The following AFDN variants were observed in gnomAD, a reference collection of about 807,000 sequenced individuals.
The protein encoded by AFDN is afadin.
In AFDN, 68 loss-of-function variants were observed where a neutral mutation model predicts 216.6. The observed-to-expected ratio is 0.31, with a 90% CI of 0.26 to 0.38. AFDN has a LOEUF of 0.38. Ranked by LOEUF, AFDN falls within the 10% of genes least tolerant of loss-of-function variation. The pLI is 1.00. For synonymous variants in AFDN, 868 were observed against 853.7 expected (o/e 1.02, Z -0.29); for missense variants, 2,136 against 2,342.0 (o/e 0.91, Z 1.82).
chr6:167,834,493 A>G (rs542308037), intron 1 of AFDN, among the ~76,000 whole-genome samples: 1 of 144,648 alleles, frequency 6.9e-6, no homozygotes, highest in South Asian at 2.3e-4. Context: ...AAGGTATAAA[A>G]CGTGATAGAT....
chr6:167,903,232 C>T (rs538268028), intron 12 of AFDN, among the ~76,000 whole-genome samples: 33 of 152,348 alleles, frequency 2.2e-4, no homozygotes, highest in African/African-American at 7.2e-4. Context: ...TACCATTGTG[C>T]AATCTGGTTT....
chr6:167,911,379 C>T lies in AFDN; in HGVS notation c.1927C>T (p.Arg643Trp). Reference sequence around the variant, plus strand: ...TACATATGTATTATATATGGCATGCCGGTATGTATTGTCCAACCAGTACAG... The same window carrying T: ...TACATATGTATTATATATGGCATGCTGGTATGTATTGTCCAACCAGTACAG... ...SPTYVLYMAC[R>W]YVLSNQYRPD... is the part of the protein sequence containing the mutation. Residue 643 changes from arginine (R) to tryptophan (W), a missense_variant, in exon 15 of 34, where the codon CGG becomes TGG. Physicochemically the swap from Arg to Trp is moderately radical, Grantham distance 101. Around this residue, in one of 8 missense-constraint regions of AFDN, gnomAD observed 817 missense variants for 965.7 expected, o/e 0.85. Coordinates refer to ENST00000683244, the MANE Select transcript of AFDN (RefSeq NM_001386888.1). 1.9e-6 allele frequency: 3 copies of T among 1,613,946 alleles called. No individual in the cohort carries two copies. The highest frequency in any genetic ancestry group is 1.1e-5 in the South Asian group (1 of 91,076).
Position 167,893,883 on chromosome 6 carries a change from A to T in AFDN, c.1199A>T (p.Tyr400Phe), listed in dbSNP as rs1171236286. 1 of 1,589,296 alleles carries T rather than the reference A, an allele frequency of 6.3e-7. No individual in the cohort carries two copies. Among genetic ancestry groups the T allele is most frequent in the South Asian group, 1.2e-5 (1 of 86,934 alleles). Residue 400 changes from tyrosine (Y) to phenylalanine (F), a missense_variant, in exon 9 of 34, where the codon TAC becomes TTC. This residue lies in a region of AFDN where 817 missense variants were observed against 965.7 expected (regional missense o/e 0.85). Coordinates refer to ENST00000683244, the MANE Select transcript of AFDN (RefSeq NM_001386888.1). ...CCAGGGAGAAGGAATCACTTTGCCT[A>T]CTACAACTATCACACTTACGAAGGT... ...LSPGRRNHFA[Y>F]YNYHTYEDGS...
chr6:167,911,060 A>G (rs1790319834), intron 13 of AFDN, 41 bp from the exon 14 acceptor site: 3 of 1,557,852 alleles, frequency 1.9e-6, no homozygotes, highest in East Asian at 4.5e-5. Context: ...ATTGTTAGCC[A>G]TGTGACCTTA....
At position 167,914,628 on chromosome 6, in the gene AFDN, G is replaced by A. The variant is rs772907470; in HGVS notation, c.2205-16G>A. On this transcript the variant is annotated splice_polypyrimidine_tract_variant and intron_variant, in intron 17 of 33. Transcript: ENST00000683244. ...CTGTCATGCTAAGATTACTTAAATT[G>A]TCTATGTATTTTCAGATACTTGGTT... The A allele has an allele frequency of 4.5e-6, 7 of 1,548,072 alleles. No individual in the cohort carries two copies. The highest frequency in any genetic ancestry group is 3.3e-5 in the South Asian group (3 of 89,612).
chr6:167,888,016 A>G (rs1159755247), intron 6 of AFDN, among the ~76,000 whole-genome samples: 2 of 152,162 alleles, frequency 1.3e-5, no homozygotes, highest in Non-Finnish European at 2.9e-5. Flanking sequence ...ATTAGACATG[A>G]AAGTTGGGGC....
intron 20 of AFDN, among the ~76,000 whole-genome samples, chr6:167,917,997 A>C (rs1364703030): frequency 6.6e-6 from 1 of 152,232 alleles, no homozygotes; most frequent in African/African-American, 2.4e-5. Context: ...GAACAGTCAA[A>C]ATCACACTCT....
In AFDN at chr6:167,868,426, T is replaced by C. The variant is rs190334252; in HGVS notation, c.302-1960T>C. On this transcript the variant is annotated intron_variant, in intron 2 of 33. Coordinates refer to ENST00000683244, the MANE Select transcript of AFDN (RefSeq NM_001386888.1). ...TGCTGACAGCATTTGGAGACCTTTG[T>C]TAGAAAAACAAAGTGTATCTCATAT... 3.7e-3 allele frequency among the ~76,000 whole-genome samples: 566 copies of C among 152,276 alleles called. 5 individuals carry two copies. Among genetic ancestry groups the C allele is most frequent in the Non-Finnish European group, 3.0e-3 (207 of 68,012 alleles).
chr6:167,848,777 G>A (rs797000865), intron 1 of AFDN, among the ~76,000 whole-genome samples: 25 of 152,148 alleles, frequency 1.6e-4, no homozygotes, highest in African/African-American at 3.1e-4. Context: ...GATTTCCGTC[G>A]GTGAGCATGT....
chr6:167,935,040 T>A (rs939350141), intron 23 of AFDN, among the ~76,000 whole-genome samples: 6 of 152,242 alleles, frequency 3.9e-5, no homozygotes, highest in African/African-American at 1.4e-4. Flanking sequence ...TTATAATTTT[T>A]GATAACTTTT....
At chr6:167,906,871 A>G (rs922264022) in intron 12 of AFDN, among the ~76,000 whole-genome samples, 2 of 152,190 alleles carry the variant, frequency 1.3e-5, no homozygotes, top group African/African-American at 4.8e-5. Flanking sequence ...ATTACTATTA[A>G]TGTACTTTCA....
Position 167,951,424 on chromosome 6 carries a change from C to T in AFDN, c.4070C>T (p.Pro1357Leu), listed in dbSNP as rs770374595. 3.4e-5 allele frequency: 55 copies of T among 1,614,038 alleles called. No individual in the cohort carries two copies. The highest frequency in any genetic ancestry group is 2.2e-4 in the South Asian group (20 of 91,082). ...CGTTGGAAAACACCAGCAGCCATACCGGCCACCCCTGTGGCCGTCTCCCAG... is the reference window on the plus strand; with the variant it reads ...CGTTGGAAAACACCAGCAGCCATACTGGCCACCCCTGTGGCCGTCTCCCAG... ...PGRWKTPAAI[P>L]ATPVAVSQPI... Residue 1357 changes from proline to leucine, a missense_variant, in exon 30 of 34, where the codon CCG becomes CTG. By Grantham distance (98) the Pro-to-Leu change is moderately conservative. Transcript: ENST00000683244. This position sits in a 1 kb window ranked among gnomAD's most constrained non-coding sequence, Gnocchi z 7.1.
Position 167,864,704 on chromosome 6 carries a change from T to G in AFDN, c.259T>G (p.Ser87Ala), listed in dbSNP as rs1783976955. ...EKFRPDMRML[S>A]SPKYSLYEVH... is the part of the protein sequence containing the mutation. The stretch of plus-strand genomic sequence containing the variant: ...ATTTCGACCTGATATGCGAATGCTG[T>G]CCTCTCCCAAGTATTCACTCTATGA... The change falls in exon 2 of 34, where the codon TCC (serine) becomes GCC (alanine). Residue 87 changes from serine to alanine, a missense_variant. Physicochemically the swap from Ser to Ala is moderately conservative, Grantham distance 99 (BLOSUM62 1). Coordinates refer to ENST00000683244, the MANE Select transcript of AFDN (RefSeq NM_001386888.1). 6.2e-7 allele frequency: 1 copy of G among 1,614,056 alleles called. No individual in the cohort carries two copies. The highest frequency in any genetic ancestry group is 1.7e-5 in the Admixed American group (1 of 60,006).
chr6:167,935,974 C>T (rs1793949565), intron 23 of AFDN, among the ~76,000 whole-genome samples: 1 of 152,036 alleles, frequency 6.6e-6, no homozygotes, highest in Admixed American at 6.5e-5. Context: ...ATAATATGAG[C>T]TACATGGGGA....
intron 30 of AFDN, among the ~76,000 whole-genome samples, chr6:167,958,488 C>A (rs1796732297): frequency 6.6e-6 from 1 of 152,168 alleles, no homozygotes; most frequent in Non-Finnish European, 1.5e-5. Flanking sequence ...CTTGGTTTGA[C>A]AAATCTCTCA....
chr6:167,949,543 C>T (rs116359795), intron 29 of AFDN, among the ~76,000 whole-genome samples: 1,553 of 152,260 alleles, frequency 0.01, 31 homozygotes, highest in African/African-American at 0.036. Context: ...CTGCTGTTTT[C>T]CTAGGTGGGC....
intron 12 of AFDN, among the ~76,000 whole-genome samples, chr6:167,906,743 G>A (rs564802032): frequency 1.3e-5 from 2 of 152,178 alleles, no homozygotes; most frequent in Non-Finnish European, 2.9e-5. Flanking sequence ...GAGCTATAAG[G>A]AGTAGGATTT....
intron 13 of AFDN, 79 bp downstream of exon 13, chr6:167,907,368 T>G: frequency 1.8e-6 from 2 of 1,113,474 alleles, no homozygotes; most frequent in Non-Finnish European, 2.7e-6. Flanking sequence ...ATTGTTGAAT[T>G]TATAAAGGTT....
intron 1 of AFDN, among the ~76,000 whole-genome samples, chr6:167,829,902 T>G (rs867385899): frequency 6.6e-6 from 1 of 152,322 alleles, no homozygotes; most frequent in Middle Eastern, 3.4e-3. Context: ...TCCTTTGTAT[T>G]CACATTTGTG....
Sources: gnomAD v4.1 joint callset for allele counts (sites outside exome capture counted in the v4.1 genomes callset) on GRCh38, gnomAD v4.1.1 for gene constraint, gnomAD v4.1.1 regional missense constraint, Gnocchi (gnomAD v3.1) non-coding constraint, MANE v1.5 for transcripts, NCBI Gene and HGNC (gene_info 2026-07-23, HGNC 2026-07-21) for gene names.